Variants in CADPS2 observed in about 807,000 individuals in gnomAD.
CADPS2 encodes the protein calcium-dependent secretion activator 2.
In CADPS2, 93 loss-of-function variants were observed where a neutral mutation model predicts 172.5. The observed-to-expected ratio is 0.54, with a 90% CI of 0.46 to 0.64. CADPS2 has a LOEUF of 0.64. Ranked by LOEUF, CADPS2 falls within the 30% of genes least tolerant of loss-of-function variation. The probability of loss-of-function intolerance (pLI) is 0.00; values close to 1 mark genes in which losing one functional copy is unlikely to be tolerated. For synonymous variants in CADPS2, 546 were observed against 555.2 expected (o/e 0.98, Z 0.23); for missense variants, 1,420 against 1,565.9 (o/e 0.91, Z 1.57).
intron 2 of CADPS2, among the ~76,000 whole-genome samples, chr7:122,716,951 C>G (rs1390829536): frequency 6.6e-6 from 1 of 152,096 alleles, no homozygotes; most frequent in Non-Finnish European, 1.5e-5. Flanking sequence ...TACTAGAACA[C>G]AAAATAAAAT....
In CADPS2 at chr7:122,616,771, C is replaced by G. The variant is rs560953892; in HGVS notation, c.1105-1472G>C. On this transcript the variant is annotated intron_variant, in intron 5 of 29. Coordinates refer to ENST00000449022, the MANE Select transcript of CADPS2 (RefSeq NM_017954.11). ...CTAAATCTTGATTAAAGAAAATAAG[C>G]AAAGGAAGTTATGCATTTTTAATGA... is the stretch of plus-strand genomic sequence containing the variant. Among the ~76,000 whole-genome samples, 36 of 152,066 alleles carry G rather than the reference C, an allele frequency of 2.4e-4. No individual in the cohort carries two copies. In the South Asian group the frequency reaches 7.5e-3, roughly 32 times the overall value.
chr7:122,474,418 G>C lies in CADPS2; in HGVS notation c.1961C>G (p.Thr654Ser), dbSNP rs185785732. The C allele has an allele frequency of 4.6e-5, 75 of 1,613,398 alleles. No homozygotes were observed. In the East Asian group the frequency reaches 1.7e-3, roughly 36 times the overall value. ...GGAATCATTCAGTCTGTGATCCAAA[G>C]TCTGCCTCTGGAGTATTCTAAAAAG... ...AFLFRILQRQ[T>S]LDHRLNDSYS... Residue 654 changes from threonine to serine, a missense_variant, in exon 13 of 30, where the codon ACT becomes AGT. By Grantham distance (58) the Thr-to-Ser change is moderately conservative (BLOSUM62 1). Coordinates refer to ENST00000449022, the MANE Select transcript of CADPS2 (RefSeq NM_017954.11).
At chr7:122,650,514 A>T (rs2079042860) in intron 3 of CADPS2, among the ~76,000 whole-genome samples, 1 of 152,156 alleles carries the variant, frequency 6.6e-6, no homozygotes, top group Admixed American at 6.5e-5. Flanking sequence ...CATGGAGCAG[A>T]ATTAGATAAA....
Position 122,586,345 on chromosome 7 carries a change from G to T in CADPS2, c.1224-5055C>A, listed in dbSNP as rs2069684072. Among the ~76,000 whole-genome samples, 3 of 151,910 alleles carry T rather than the reference G, an allele frequency of 2.0e-5. No homozygotes were observed. The South Asian group carries it at 6.2e-4, about 32-fold the overall frequency. The stretch of plus-strand genomic sequence containing the variant: ...CACTCCTGCCCTGCCTTCTCAACAG[G>T]TTGTATATTTCCATGGTCTCTTACA... On this transcript the variant is annotated intron_variant, in intron 6 of 29. Coordinates refer to ENST00000449022, the MANE Select transcript of CADPS2 (RefSeq NM_017954.11).
chr7:122,823,100 G>T (rs1392688360), intron 1 of CADPS2, among the ~76,000 whole-genome samples: 1 of 152,078 alleles, frequency 6.6e-6, no homozygotes, highest in Non-Finnish European at 1.5e-5. Flanking sequence ...TGGGACATTT[G>T]CATGTCTTCT....
intron 1 of CADPS2, among the ~76,000 whole-genome samples, chr7:122,742,777 T>C (rs890363992): frequency 3.3e-5 from 5 of 152,194 alleles, no homozygotes; most frequent in African/African-American, 4.8e-5. Context: ...AAGAATTATT[T>C]TGGAATTCTG....
chr7:122,677,247 A>C (rs2082474768), intron 2 of CADPS2, among the ~76,000 whole-genome samples: 1 of 152,220 alleles, frequency 6.6e-6, no homozygotes. Context: ...CAAAGTTTGA[A>C]TCTAGCTGAG....
At chr7:122,407,487 ACAT>A (rs1442174650) in intron 20 of CADPS2, 50 bp downstream of exon 20, 22 of 1,556,234 alleles carry the variant, frequency 1.4e-5, no homozygotes, top group Admixed American at 1.8e-5. Flanking sequence ...TTCACATTCA[ACAT>A]TCTCCCACCC....
intron 8 of CADPS2, among the ~76,000 whole-genome samples, chr7:122,549,249 A>G (rs2063951945): frequency 6.6e-6 from 1 of 152,084 alleles, no homozygotes; most frequent in Admixed American, 6.6e-5. Context: ...CTCTAATACA[A>G]AAAAATTGGG....
At chr7:122,487,669 T>C (rs77977266) in intron 11 of CADPS2, among the ~76,000 whole-genome samples, 4,640 of 152,186 alleles carry the variant, frequency 0.03, 205 homozygotes, top group African/African-American at 0.11. Flanking sequence ...CTATGGAAAA[T>C]TATTAAAATG....
chr7:122,668,758 C>T, intron 2 of CADPS2, among the ~76,000 whole-genome samples: 1 of 152,154 alleles, frequency 6.6e-6, no homozygotes, highest in East Asian at 1.9e-4. Context: ...TTTTTATCAT[C>T]ACCAGGTCAC....
chr7:122,664,229 A>G lies in CADPS2; in HGVS notation c.454-660T>C, dbSNP rs79812475. On this transcript the variant is annotated intron_variant, in intron 2 of 29. Coordinates refer to ENST00000449022, the MANE Select transcript of CADPS2 (RefSeq NM_017954.11). ...AACAGTAGGGTAAGTCTAATATCCA[A>G]GTCAATATTCATCATATGTAATTTT... 0.014 allele frequency among the ~76,000 whole-genome samples: 2,103 copies of G among 152,214 alleles called. 123 individuals carry two copies. The East Asian group carries it at 0.14, about 10-fold the overall frequency.
chr7:122,663,371 A>G lies in CADPS2; in HGVS notation c.652T>C (p.Cys218Arg). Residue 218 changes from cysteine (C) to arginine (R), a missense_variant, in exon 3 of 30, where the codon TGC becomes CGC. Physicochemically the swap from Cys to Arg is radical, Grantham distance 180 (BLOSUM62 -3). Transcript: ENST00000449022. ...DAIYRGEEDLCKQPNRMALSA... is the reference protein window; with the variant it reads ...DAIYRGEEDLRKQPNRMALSA... Reference sequence around the variant, plus strand: ...AGGGCCATTCTATTTGGCTGTTTGCACAAGTCCTCTTCACCTCTGTAAATG... The same window carrying G: ...AGGGCCATTCTATTTGGCTGTTTGCGCAAGTCCTCTTCACCTCTGTAAATG... The G allele has an allele frequency of 6.2e-7, 1 of 1,613,990 alleles. No individual in the cohort carries two copies. The highest frequency in any genetic ancestry group is 8.5e-7 in the Non-Finnish European group (1 of 1,179,890).
At chr7:122,581,028 G>A (rs1349005498) in intron 7 of CADPS2, 151 bp downstream of exon 7, 1 of 570,186 alleles carries the variant, frequency 1.8e-6, no homozygotes, top group African/African-American at 1.9e-5. Flanking sequence ...TAATAAATTA[G>A]AGGTGTATAC....
At chr7:122,769,335 G>A (rs1217212955) in intron 1 of CADPS2, among the ~76,000 whole-genome samples, 55 of 152,104 alleles carry the variant, frequency 3.6e-4, no homozygotes, top group African/African-American at 4.8e-5. Flanking sequence ...AGAGCTTTCC[G>A]TATCTTGGGA....
At chr7:122,625,744 G>C (rs939534391) in intron 4 of CADPS2, among the ~76,000 whole-genome samples, 7 of 151,750 alleles carry the variant, frequency 4.6e-5, no homozygotes, top group African/African-American at 1.5e-4. Context: ...CCAATTCCTT[G>C]AACGCAATCA....
chr7:122,482,772 A>T (rs1051617371), intron 11 of CADPS2, among the ~76,000 whole-genome samples: 2 of 152,110 alleles, frequency 1.3e-5, no homozygotes, highest in Non-Finnish European at 2.9e-5. Flanking sequence ...ACAGTTCAGA[A>T]GGGTGATAGT....
intron 1 of CADPS2, among the ~76,000 whole-genome samples, chr7:122,810,004 T>C (rs989279300): frequency 6.6e-6 from 1 of 152,184 alleles, no homozygotes; most frequent in Admixed American, 6.5e-5. Flanking sequence ...AAACAGTTCA[T>C]GGTGTATTCT....
At chr7:122,375,953 T>C (rs932281892) in intron 25 of CADPS2, among the ~76,000 whole-genome samples, 12 of 151,590 alleles carry the variant, frequency 7.9e-5, no homozygotes, top group Non-Finnish European at 1.0e-4. Context: ...CTAATGAACA[T>C]GTATAAATGG....
Sources: allele counts gnomAD v4.1 joint callset (sites outside exome capture counted in the v4.1 genomes callset), GRCh38; gene constraint gnomAD v4.1.1; transcripts MANE v1.5; gene names NCBI Gene and HGNC (gene_info 2026-07-23, HGNC 2026-07-21).